Variants in GLYATL3 observed in about 807,000 individuals in gnomAD.
The protein encoded by GLYATL3 is glycine-N-acyltransferase like 3.
A neutral mutation model predicts 28.5 loss-of-function variants in GLYATL3; 31 were observed. That is an observed-to-expected ratio of 1.09 (90% CI 0.82 to 1.47). The LOEUF is 1.47. Among genes scored for constraint, GLYATL3 ranks in the 40% most tolerant of loss-of-function variants. GLYATL3 has a pLI of 0.00. For missense variants in GLYATL3, 369 were observed against 351.5 expected, an observed-to-expected ratio of 1.05 and a Z score of -0.40; for synonymous variants, 141 against 140.2, an observed-to-expected ratio of 1.01 and a Z score of -0.04.
At chr6:49,526,362 G>A (rs949445252) in intron 5 of GLYATL3, 126 bp from the exon 6 acceptor site, 105 of 743,090 alleles carry the variant, frequency 1.4e-4, no homozygotes, top group Non-Finnish European at 3.1e-5. Context: ...GCAGTGAGCA[G>A]AGATCACGCC....
chr6:49,521,527 T>G lies in GLYATL3; in HGVS notation c.314-118T>G. On this transcript the variant is annotated intron_variant, in intron 4 of 5. Coordinates refer to ENST00000371197, the MANE Select transcript of GLYATL3 (RefSeq NM_001010904.2). ...TGTAAGTATACAGTGGTTAGGATAA[T>G]ACAAGGTGGCAAACTGCTAGTATTG... The G allele has an allele frequency of 3.8e-6, 3 of 793,064 alleles. No individual in the cohort carries two copies. In the South Asian group the frequency reaches 5.6e-5, roughly 15 times the overall value. 49.1% of individuals were successfully genotyped at this position (793,064 alleles called of 1,614,324 possible).
chr6:49,511,809 T>A lies in GLYATL3; in HGVS notation c.-28-154T>A, dbSNP rs1321808574. 20 of 477,602 alleles carry A rather than the reference T, an allele frequency of 4.2e-5. 1 individual carries two copies. The highest frequency in any genetic ancestry group is 1.6e-4 in the East Asian group (5 of 31,396). 29.6% of individuals were successfully genotyped at this position (477,602 alleles called of 1,614,324 possible). On this transcript the variant is annotated intron_variant, in intron 1 of 5. Transcript: ENST00000371197. Reference sequence around the variant, plus strand: ...TCCCATGTATTCTCCGGTTTACCCATCCCAGTGCCTCCCCATCTTCCCTTT... The same window carrying A: ...TCCCATGTATTCTCCGGTTTACCCAACCCAGTGCCTCCCCATCTTCCCTTT...
chr6:49,511,156 G>A (rs1295226506), intron 1 of GLYATL3, among the ~76,000 whole-genome samples: 1 of 152,112 alleles, frequency 6.6e-6, no homozygotes. Flanking sequence ...TTGAATGTAG[G>A]AAATATTTTT....
At chr6:49,526,024 C>T (rs978596872) in intron 5 of GLYATL3, among the ~76,000 whole-genome samples, 6 of 152,128 alleles carry the variant, frequency 3.9e-5, no homozygotes, top group Non-Finnish European at 5.9e-5. Context: ...AAATGAAACC[C>T]GGAAAGGTGT....
intron 2 of GLYATL3, among the ~76,000 whole-genome samples, chr6:49,512,847 T>C (rs1443219047): frequency 1.3e-5 from 2 of 152,248 alleles, no homozygotes; most frequent in African/African-American, 4.8e-5. Context: ...AAAAGTGATC[T>C]AGAAGGAGTC....
intron 5 of GLYATL3, among the ~76,000 whole-genome samples, chr6:49,526,006 C>A (rs1297228068): frequency 6.6e-6 from 1 of 152,148 alleles, no homozygotes; most frequent in African/African-American, 2.4e-5. Flanking sequence ...AGTGTTTTGT[C>A]TTCTCAGAAA....
Position 49,527,414 on chromosome 6 carries a change from T to C in GLYATL3, c.*500T>C, listed in dbSNP as rs1040465349. On this transcript the variant is annotated 3_prime_UTR_variant, in exon 6 of 6. Transcript: ENST00000371197. ...GTTCTCTGTAGAGTAACCTCCTTTTTCCCCTTTAATTACTTGCTCTTTACT... is the reference window on the plus strand; with the variant it reads ...GTTCTCTGTAGAGTAACCTCCTTTTCCCCCTTTAATTACTTGCTCTTTACT... Among the ~76,000 whole-genome samples the C allele has an allele frequency of 6.6e-6, 1 of 152,110 alleles. No individual in the cohort carries two copies. The highest frequency in any genetic ancestry group is 1.5e-5 in the Non-Finnish European group (1 of 68,020).
At chr6:49,518,371 T>A (rs1769253434) in intron 4 of GLYATL3, among the ~76,000 whole-genome samples, 1 of 152,222 alleles carries the variant, frequency 6.6e-6, no homozygotes, top group African/African-American at 2.4e-5. Flanking sequence ...ATGAATAGTT[T>A]CCGCGTCAGT....
At chr6:49,515,568 A>G (rs1769199882) in intron 2 of GLYATL3, 85 bp from the exon 3 acceptor site, 2 of 744,446 alleles carry the variant, frequency 2.7e-6, no homozygotes, top group African/African-American at 3.5e-5. Context: ...ACATGATTAC[A>G]CAGTAGAACA....
chr6:49,512,352 T>C (rs571101787), intron 2 of GLYATL3, among the ~76,000 whole-genome samples: 35 of 150,670 alleles, frequency 2.3e-4, no homozygotes, highest in Non-Finnish European at 3.2e-4. Context: ...GTTACATAAG[T>C]ATACATGTGC....
At chr6:49,501,543 AAGTAC>A (rs1247072603) in intron 1 of GLYATL3, among the ~76,000 whole-genome samples, 1 of 152,238 alleles carries the variant, frequency 6.6e-6, no homozygotes, top group Non-Finnish European at 1.5e-5. Context: ...CTGTATGCAG[AAGTAC>A]AGTATACAGA....
intron 1 of GLYATL3, among the ~76,000 whole-genome samples, chr6:49,504,151 T>C (rs148655418): frequency 6.6e-6 from 1 of 152,150 alleles, no homozygotes; most frequent in Non-Finnish European, 1.5e-5. Flanking sequence ...CCTGGATCGC[T>C]GGAGGCAAGT....
intron 4 of GLYATL3, among the ~76,000 whole-genome samples, 154 bp downstream of exon 4, chr6:49,517,710 A>G (rs1001266110): frequency 2.0e-5 from 3 of 152,100 alleles, no homozygotes; most frequent in Non-Finnish European, 4.4e-5. Context: ...TTATGCATTT[A>G]CCATTTCTAT....
At chr6:49,503,769 G>A (rs1210308926) in intron 1 of GLYATL3, among the ~76,000 whole-genome samples, 1 of 152,180 alleles carries the variant, frequency 6.6e-6, no homozygotes, top group East Asian at 1.9e-4. Flanking sequence ...TGTCTTAGAG[G>A]TTTTAATGAG....
intron 5 of GLYATL3, among the ~76,000 whole-genome samples, chr6:49,524,850 C>T (rs1277337522): frequency 1.3e-5 from 2 of 151,456 alleles, no homozygotes; most frequent in African/African-American, 2.4e-5. Flanking sequence ...CATGTTGGCA[C>T]GCGCCTGTCA....
At chr6:49,515,839 A>T (rs1291059773) in intron 3 of GLYATL3, 79 bp downstream of exon 3, 1 of 797,416 alleles carries the variant, frequency 1.3e-6, no homozygotes, top group Non-Finnish European at 2.2e-6. Context: ...TTATAATCAT[A>T]GTAGCCATTT....
rs188968135 is a variant in GLYATL3 at position 49,502,911 on chromosome 6, A to C, written c.-29+2869A>C. 4.9e-4 allele frequency among the ~76,000 whole-genome samples: 74 copies of C among 152,328 alleles called. No individual in the cohort carries two copies. In the East Asian group the frequency reaches 0.014, roughly 28 times the overall value. Reference sequence around the variant, plus strand: ...AATACCTTCTCTGGCTCTGACTACTAAAATACTATGATATTGATTAAAGGA... The same window carrying C: ...AATACCTTCTCTGGCTCTGACTACTCAAATACTATGATATTGATTAAAGGA... On this transcript the variant is annotated intron_variant, in intron 1 of 5. Transcript: ENST00000371197.
rs145600506 is a variant in GLYATL3, at chr6:49,516,916, G to A, written c.187-514G>A. ...CTCATGCCTGTAATGCCAACACTTT[G>A]GGAGGCCTAGGCGGGCGGATCATGA... On this transcript the variant is annotated intron_variant, in intron 3 of 5. Transcript: ENST00000371197. 1.4e-4 allele frequency among the ~76,000 whole-genome samples: 21 copies of A among 151,758 alleles called. No individual in the cohort carries two copies. The East Asian group carries it at 4.2e-3, about 30-fold the overall frequency.
In GLYATL3 at chr6:49,527,035, G is replaced by C. The variant is rs1769434259; in HGVS notation, c.*121G>C. ...CTCTTGAGTTGTTGGAAAGGGTCTG[G>C]AGAATATATACAGGATCCACTTGAG... On this transcript the variant is annotated 3_prime_UTR_variant, in exon 6 of 6. Coordinates refer to ENST00000371197, the MANE Select transcript of GLYATL3 (RefSeq NM_001010904.2). 1 of 744,742 alleles carries C rather than the reference G, an allele frequency of 1.3e-6. No individual in the cohort carries two copies. The highest frequency in any genetic ancestry group is 1.8e-5 in the African/African-American group (1 of 56,530). The allele number at this position is 744,742 out of a possible 1,614,324, so 46.1% of individuals were successfully genotyped here.
Sources: gnomAD v4.1 joint callset for allele counts (sites outside exome capture counted in the v4.1 genomes callset) on GRCh38, gnomAD v4.1.1 for gene constraint, MANE v1.5 for transcripts, NCBI Gene and HGNC (gene_info 2026-07-23, HGNC 2026-07-21) for gene names.